The following RASGRF2 variants were observed in gnomAD, a reference collection of about 807,000 sequenced individuals.
The protein encoded by RASGRF2 is ras-specific guanine nucleotide-releasing factor 2.
Under a neutral mutation model 151.0 loss-of-function variants are expected in RASGRF2, and 76 were observed. The ratio of observed to expected loss-of-function variants is 0.50; its 90% CI spans 0.42 to 0.61. The LOEUF (loss-of-function observed/expected upper bound fraction) is 0.61, where lower values mean the gene tolerates loss of function less well. Ranked by LOEUF, RASGRF2 falls within the 20% of genes least tolerant of loss-of-function variation. The pLI, the probability that RASGRF2 is intolerant of heterozygous loss-of-function variation, is 0.00. For synonymous variants in RASGRF2, 504 were observed against 566.5 expected, an observed-to-expected ratio of 0.89 and a Z score of 1.57; for missense variants, 1,148 against 1,564.6, an observed-to-expected ratio of 0.73 and a Z score of 4.49.
At chr5:81,038,090 C>G (rs1750561094) in intron 1 of RASGRF2, among the ~76,000 whole-genome samples, 5 of 152,166 alleles carry the variant, frequency 3.3e-5, no homozygotes, top group Admixed American at 1.3e-4. Flanking sequence ...TATTATTATA[C>G]AGATATGCCT....
chr5:81,185,439 G>A (rs920838115), intron 18 of RASGRF2, among the ~76,000 whole-genome samples: 4 of 152,154 alleles, frequency 2.6e-5, no homozygotes, highest in Non-Finnish European at 4.4e-5. Flanking sequence ...GAGGGGTGAC[G>A]CGTAGACAGA....
At chr5:81,012,419 A>G (rs1749492560) in intron 1 of RASGRF2, among the ~76,000 whole-genome samples, 2 of 152,154 alleles carry the variant, frequency 1.3e-5, no homozygotes, top group South Asian at 2.1e-4. Context: ...ACCTGATGAT[A>G]GATACTTGGG....
chr5:81,113,144 CTTTT>C (rs11421444), intron 14 of RASGRF2, among the ~76,000 whole-genome samples: 1 of 146,700 alleles, frequency 6.8e-6, no homozygotes, highest in Non-Finnish European at 1.5e-5. Flanking sequence ...TTCTTTCTTT[CTTTT>C]TTTTTTTGAC....
chr5:80,969,698 G>A lies in RASGRF2; in HGVS notation c.288+8672G>A, dbSNP rs546569362. On this transcript the variant is annotated intron_variant, in intron 1 of 26. Coordinates refer to ENST00000265080, the MANE Select transcript of RASGRF2 (RefSeq NM_006909.3). ...GATCTCCTGACCTCGTGATCCGCCCGTCTCGGCCTCCCAAAGTGCTGGGAT... is the reference window on the plus strand; with the variant it reads ...GATCTCCTGACCTCGTGATCCGCCCATCTCGGCCTCCCAAAGTGCTGGGAT... 4.4e-4 allele frequency among the ~76,000 whole-genome samples: 64 copies of A among 146,844 alleles called. No individual in the cohort carries two copies. In the South Asian group the frequency reaches 0.012, roughly 27 times the overall value.
chr5:81,126,905 C>G (rs1448139174), intron 16 of RASGRF2, among the ~76,000 whole-genome samples, 169 bp from the exon 17 acceptor site: 1 of 152,000 alleles, frequency 6.6e-6, no homozygotes, highest in African/African-American at 2.4e-5. Context: ...GGTTATAGAC[C>G]CAGAGTGGAA....
chr5:81,045,688 A>C (rs1490758295), intron 2 of RASGRF2, among the ~76,000 whole-genome samples: 1 of 127,756 alleles, frequency 7.8e-6, no homozygotes, highest in Admixed American at 7.8e-5. Flanking sequence ...GTTCTTTGAT[A>C]ATTTCTTTTA....
chr5:81,036,739 T>C (rs1364569409), intron 1 of RASGRF2, among the ~76,000 whole-genome samples: 1 of 152,198 alleles, frequency 6.6e-6, no homozygotes, highest in Non-Finnish European at 1.5e-5. Flanking sequence ...CTGATTTCTG[T>C]CTGGATCTTC....
At chr5:81,073,477 G>C (rs1751842852) in intron 5 of RASGRF2, 25 bp downstream of exon 5, 1 of 1,589,924 alleles carries the variant, frequency 6.3e-7, no homozygotes, top group South Asian at 1.1e-5. Flanking sequence ...AAATCAAAGA[G>C]TTATGAGAAA....
intron 18 of RASGRF2, among the ~76,000 whole-genome samples, chr5:81,185,000 A>G (rs1434294932): frequency 6.6e-6 from 1 of 152,252 alleles, no homozygotes; most frequent in Non-Finnish European, 1.5e-5. Context: ...GACCAAAGGC[A>G]CAGGGGCAGG....
chr5:81,206,143 T>C (rs949242039), intron 19 of RASGRF2, among the ~76,000 whole-genome samples: 3 of 152,220 alleles, frequency 2.0e-5, no homozygotes, highest in African/African-American at 7.2e-5. Flanking sequence ...AAAAATACCC[T>C]CTACTCTGAA....
intron 18 of RASGRF2, among the ~76,000 whole-genome samples, chr5:81,185,334 G>A (rs1447887370): frequency 6.6e-6 from 1 of 152,186 alleles, no homozygotes; most frequent in Non-Finnish European, 1.5e-5. Context: ...TGGATGCTAG[G>A]AGTGAGCTGT....
intron 17 of RASGRF2, among the ~76,000 whole-genome samples, chr5:81,171,952 G>A (rs748315992): frequency 2.0e-5 from 3 of 152,134 alleles, no homozygotes; most frequent in Non-Finnish European, 2.9e-5. Flanking sequence ...TGACAGCAGC[G>A]ATGGGAGGGC....
At chr5:81,039,390 G>GTA (rs1219350077) in intron 1 of RASGRF2, among the ~76,000 whole-genome samples, 3 of 152,072 alleles carry the variant, frequency 2.0e-5, no homozygotes, top group Admixed American at 1.3e-4. Context: ...GATGCCAAAT[G>GTA]TATAATTTGG....
intron 1 of RASGRF2, among the ~76,000 whole-genome samples, chr5:80,993,349 T>G (rs1748716210): frequency 6.6e-6 from 1 of 152,238 alleles, no homozygotes; most frequent in Non-Finnish European, 1.5e-5. Flanking sequence ...AGTGGAACAT[T>G]TGTGCCTAAA....
At chr5:81,176,647 A>G (rs544140810) in intron 17 of RASGRF2, among the ~76,000 whole-genome samples, 2 of 147,404 alleles carry the variant, frequency 1.4e-5, no homozygotes, top group South Asian at 2.3e-4. Flanking sequence ...GGCTTTCTCC[A>G]TGGTGATCCC....
chr5:81,169,710 C>A (rs950590444), intron 17 of RASGRF2, among the ~76,000 whole-genome samples: 1 of 152,182 alleles, frequency 6.6e-6, no homozygotes, highest in Admixed American at 6.5e-5. Flanking sequence ...TCAGTACAGA[C>A]CTTCAGATCT....
At chr5:81,012,563 T>C (rs1310048490) in intron 1 of RASGRF2, among the ~76,000 whole-genome samples, 1 of 152,158 alleles carries the variant, frequency 6.6e-6, no homozygotes, top group Non-Finnish European at 1.5e-5. Flanking sequence ...TCACTACAGC[T>C]GTAGAGAGCT....
intron 1 of RASGRF2, among the ~76,000 whole-genome samples, chr5:81,003,341 G>GCCTC (rs1259520126): frequency 6.6e-6 from 1 of 150,604 alleles, no homozygotes; most frequent in Non-Finnish European, 1.5e-5. Context: ...TCCTGCCTCA[G>GCCTC]CCTCCTGAGT....
rs184679232 is a variant in RASGRF2, at chr5:81,091,197, C to T, written c.1391-1604C>T. Among the ~76,000 whole-genome samples, 154 of 152,318 alleles carry T rather than the reference C, an allele frequency of 1.0e-3. 1 individual carries two copies. Among genetic ancestry groups the T allele is most frequent in the African/African-American group, 3.5e-3 (147 of 41,576 alleles). ...ACCATGTCCTCTGCAAGGCCTCTGG[C>T]TTTGATTGCATCCTGAGCCCTATGA... is the stretch of plus-strand genomic sequence containing the variant. On this transcript the variant is annotated intron_variant, in intron 9 of 26. Coordinates refer to ENST00000265080, the MANE Select transcript of RASGRF2 (RefSeq NM_006909.3).
Sources: allele counts gnomAD v4.1 joint callset (sites outside exome capture counted in the v4.1 genomes callset), GRCh38; gene constraint gnomAD v4.1.1; transcripts MANE v1.5; gene names NCBI Gene and HGNC (gene_info 2026-07-23, HGNC 2026-07-21).